The following RUNX2 variants were observed in gnomAD, a reference collection of about 807,000 sequenced individuals.
RUNX2 encodes the protein runt-related transcription factor 2.
In RUNX2, 10 loss-of-function variants were observed where a neutral mutation model predicts 51.7. The ratio of observed to expected loss-of-function variants is 0.19; its 90% CI spans 0.12 to 0.33. The LOEUF is 0.33. RUNX2 is among the 10% of genes least tolerant of loss of function. The probability of loss-of-function intolerance (pLI) is 1.00; values close to 1 mark genes in which losing one functional copy is unlikely to be tolerated. For synonymous variants in RUNX2, 276 were observed against 273.6 expected (o/e 1.01, Z -0.09); for missense variants, 562 against 691.3 (o/e 0.81, Z 2.10).
chr6:45,491,776 T>C (rs539189604), intron 5 of RUNX2, among the ~76,000 whole-genome samples, 165 bp from the exon 6 acceptor site: 2 of 152,246 alleles, frequency 1.3e-5, no homozygotes, highest in Non-Finnish European at 2.9e-5. Context: ...ATACCGCTTA[T>C]AAAGCAATTT....
At chr6:45,355,560 T>C (rs916954285) in intron 2 of RUNX2, among the ~76,000 whole-genome samples, 8 of 152,258 alleles carry the variant, frequency 5.3e-5, no homozygotes, top group African/African-American at 1.9e-4. Context: ...CACTGTATCA[T>C]GCTACCTTAA....
chr6:45,467,264 A>G (rs143681218), intron 5 of RUNX2, among the ~76,000 whole-genome samples: 2 of 151,876 alleles, frequency 1.3e-5, no homozygotes, highest in Non-Finnish European at 2.9e-5. Context: ...CTTTTGCTTT[A>G]TCTTTTATTT....
chr6:45,496,557 A>G (rs1035367372), intron 6 of RUNX2, among the ~76,000 whole-genome samples: 2 of 152,178 alleles, frequency 1.3e-5, no homozygotes, highest in Non-Finnish European at 2.9e-5. Flanking sequence ...GAAAGTTGAG[A>G]AAAGGTCCTT....
At chr6:45,396,643 C>T (rs1008719111) in intron 2 of RUNX2, among the ~76,000 whole-genome samples, 3 of 152,154 alleles carry the variant, frequency 2.0e-5, no homozygotes, top group Non-Finnish European at 4.4e-5. Flanking sequence ...TGGGCTCCAG[C>T]GATCCTCTTG....
intron 2 of RUNX2, among the ~76,000 whole-genome samples, chr6:45,332,433 T>C (rs1787703248): frequency 6.6e-6 from 1 of 151,794 alleles, no homozygotes; most frequent in Admixed American, 6.6e-5. Flanking sequence ...GCATTTCTCA[T>C]GATTAATGAT....
chr6:45,401,775 G>A (rs754465862), intron 2 of RUNX2, among the ~76,000 whole-genome samples: 2 of 152,220 alleles, frequency 1.3e-5, no homozygotes, highest in Non-Finnish European at 2.9e-5. Context: ...TAATGTAGAC[G>A]TTCAACCTCT....
At chr6:45,517,531 T>C (rs1801369981) in intron 7 of RUNX2, among the ~76,000 whole-genome samples, 1 of 152,128 alleles carries the variant, frequency 6.6e-6, no homozygotes, top group Non-Finnish European at 1.5e-5. Context: ...TTTTTGTTTG[T>C]TGTTGTTGTT....
chr6:45,400,093 AGG>A (rs1171550150), intron 2 of RUNX2, among the ~76,000 whole-genome samples: 2 of 120,438 alleles, frequency 1.7e-5, no homozygotes, highest in Non-Finnish European at 3.5e-5. Flanking sequence ...GAAGGAAGGA[AGG>A]AAAAAAGGAA....
rs147660809 is a variant in RUNX2, at chr6:45,328,642, G to C, written c.-66-19G>C. ...ACTGTAAAACTAAAACAAGGTTTGG[G>C]TATGGTTTGTATTTTCAGTTTAAGG... On this transcript the variant is annotated intron_variant, in intron 1 of 8. Coordinates refer to ENST00000647337, the MANE Select transcript of RUNX2 (RefSeq NM_001024630.4). The C allele has an allele frequency of 6.2e-7, 1 of 1,610,238 alleles. No individual in the cohort carries two copies. Among genetic ancestry groups the C allele is most frequent in the Non-Finnish European group, 8.5e-7 (1 of 1,177,446 alleles).
At chr6:45,543,502 G>A (rs753533804) in intron 7 of RUNX2, among the ~76,000 whole-genome samples, 75 of 152,178 alleles carry the variant, frequency 4.9e-4, no homozygotes, top group Non-Finnish European at 4.9e-4. Flanking sequence ...AGCTCTGAGC[G>A]TACCAGGCAT....
chr6:45,352,461 T>C (rs1312026964), intron 2 of RUNX2, among the ~76,000 whole-genome samples: 1 of 152,004 alleles, frequency 6.6e-6, no homozygotes, highest in African/African-American at 2.4e-5. Context: ...GGAAAGAAGG[T>C]GAAACATTGC....
chr6:45,358,272 T>G (rs1170911596), intron 2 of RUNX2, among the ~76,000 whole-genome samples: 1 of 152,236 alleles, frequency 6.6e-6, no homozygotes, highest in Admixed American at 6.5e-5. Flanking sequence ...GGTAGCTGTT[T>G]GCTAAGTTTA....
At chr6:45,543,560 A>G (rs1190605891) in intron 7 of RUNX2, among the ~76,000 whole-genome samples, 1 of 152,174 alleles carries the variant, frequency 6.6e-6, no homozygotes, top group Non-Finnish European at 1.5e-5. Context: ...AGAAAATCAG[A>G]TTGGGGTTGC....
intron 5 of RUNX2, among the ~76,000 whole-genome samples, chr6:45,453,817 C>T (rs961240961): frequency 2.6e-5 from 4 of 152,188 alleles, no homozygotes; most frequent in African/African-American, 9.7e-5. Context: ...ACATTGTTGG[C>T]ACAGATCTGA....
intron 2 of RUNX2, 61 bp from the exon 3 acceptor site, chr6:45,422,532 C>A (rs1198813220): frequency 6.8e-7 from 1 of 1,470,724 alleles, no homozygotes; most frequent in Non-Finnish European, 9.2e-7. Context: ...CATTTCCACC[C>A]TCCTCCCCCT....
chr6:45,351,483 A>G (rs933989447), intron 2 of RUNX2, among the ~76,000 whole-genome samples: 14 of 152,180 alleles, frequency 9.2e-5, no homozygotes, highest in Admixed American at 7.2e-4. Context: ...AAAGAGTATT[A>G]TAAGTTACCA....
chr6:45,418,549 C>A (rs1029735722), intron 2 of RUNX2, among the ~76,000 whole-genome samples: 1 of 152,158 alleles, frequency 6.6e-6, no homozygotes, highest in African/African-American at 2.4e-5. Flanking sequence ...TGACATCAAG[C>A]AAACTATAGC....
intron 5 of RUNX2, among the ~76,000 whole-genome samples, chr6:45,440,418 T>A (rs1798810375): frequency 6.6e-6 from 1 of 152,166 alleles, no homozygotes; most frequent in Non-Finnish European, 1.5e-5. Context: ...TTGGTGCATA[T>A]AATGTTAAAT....
intron 3 of RUNX2, among the ~76,000 whole-genome samples, chr6:45,426,969 GGTT>G (rs1440290490): frequency 6.6e-6 from 1 of 152,048 alleles, no homozygotes; most frequent in Non-Finnish European, 1.5e-5. Flanking sequence ...AGGGAAAATA[GGTT>G]GTTAAGCCTG....
Sources: gnomAD v4.1 joint callset for allele counts (sites outside exome capture counted in the v4.1 genomes callset) on GRCh38, gnomAD v4.1.1 for gene constraint, MANE v1.5 for transcripts, NCBI Gene and HGNC (gene_info 2026-07-23, HGNC 2026-07-21) for gene names.